DRC5: variants seen among roughly 807,000 people sequenced by gnomAD.
DRC5 encodes dynein regulatory complex subunit 5, also known as T-complex-associated testis-expressed protein 1.
At chr6:44,294,619 C>T in the DRC5 span, among the ~76,000 whole-genome samples, 2 of 151,256 alleles carry the variant, frequency 1.3e-5, no homozygotes, top group Non-Finnish European at 2.9e-5. Flanking sequence ...GTGGCACATG[C>T]CTGTAATCCC....
chr6:44,297,187 C>T, the DRC5 span, among the ~76,000 whole-genome samples: 1 of 152,158 alleles, frequency 6.6e-6, no homozygotes, highest in African/African-American at 2.4e-5. Flanking sequence ...CTTGGTAACC[C>T]AGGGAAACCG....
At chr6:44,296,742 C>G in the DRC5 span, among the ~76,000 whole-genome samples, 1 of 151,702 alleles carries the variant, frequency 6.6e-6, no homozygotes, top group Non-Finnish European at 1.5e-5. Flanking sequence ...GCTCTGACTG[C>G]CTTCTCTGCC....
chr6:44,292,459 A>G, the DRC5 span, among the ~76,000 whole-genome samples: 787 of 152,010 alleles, frequency 5.2e-3, 4 homozygotes, highest in Non-Finnish European at 6.2e-3. Context: ...CTGACTGCCC[A>G]CCCGTTCCCC....
At chr6:44,280,226 G>A in the DRC5 span, 1 of 1,614,228 alleles carries the variant, frequency 6.2e-7, no homozygotes, top group Non-Finnish European at 8.5e-7. Flanking sequence ...TGGTTGACAT[G>A]AAGTGGCTGG....
At chr6:44,286,204 G>C in the DRC5 span, 1 of 1,611,706 alleles carries the variant, frequency 6.2e-7, no homozygotes, top group Non-Finnish European at 8.5e-7. Context: ...GCTGGGCCGG[G>C]AGCTGCACCG....
At chr6:44,282,118 T>G in the DRC5 span, 2 of 1,610,404 alleles carry the variant, frequency 1.2e-6, no homozygotes, top group Non-Finnish European at 8.5e-7. Flanking sequence ...ACCAGCCCGA[T>G]GTGGTTGCAG....
the DRC5 span, among the ~76,000 whole-genome samples, chr6:44,294,340 G>A: frequency 6.6e-6 from 1 of 152,156 alleles, no homozygotes; most frequent in Non-Finnish European, 1.5e-5. Context: ...GACAGTTTAA[G>A]TGTGCAGAAA....
chr6:44,289,017 A>AAAAG, the DRC5 span, among the ~76,000 whole-genome samples: 4 of 139,704 alleles, frequency 2.9e-5, no homozygotes, highest in Non-Finnish European at 6.2e-5. Flanking sequence ...AAAAAAAAAA[A>AAAAG]AAAAAGAAAA....
chr6:44,296,201 T>A, the DRC5 span, among the ~76,000 whole-genome samples: 1 of 152,322 alleles, frequency 6.6e-6, no homozygotes, highest in South Asian at 2.1e-4. Context: ...GCTTATAAAT[T>A]GCTCCCAACT....
chr6:44,292,779 AC>A, the DRC5 span, among the ~76,000 whole-genome samples: 1 of 152,122 alleles, frequency 6.6e-6, no homozygotes, highest in Non-Finnish European at 1.5e-5. Context: ...ATTTCTCTCC[AC>A]ACGTACAAGG....
the DRC5 span, chr6:44,287,232 G>A: frequency 1.0e-6 from 1 of 985,252 alleles, no homozygotes; most frequent in Non-Finnish European, 1.2e-6. Flanking sequence ...GGTTCACTTG[G>A]GAAGGCTTTC....
chr6:44,293,370 TG>T, the DRC5 span, among the ~76,000 whole-genome samples: 1 of 150,892 alleles, frequency 6.6e-6, no homozygotes, highest in African/African-American at 2.4e-5. Context: ...CCTAGAACTT[TG>T]GGAGGCCAAG....
the DRC5 span, chr6:44,280,204 C>T: frequency 6.2e-7 from 1 of 1,614,154 alleles, no homozygotes; most frequent in Non-Finnish European, 8.5e-7. Flanking sequence ...TTCTCAGGGC[C>T]ATTGGCAGTT....
chr6:44,286,447 G>A, the DRC5 span: 17 of 1,614,064 alleles, frequency 1.1e-5, no homozygotes, highest in East Asian at 2.2e-5. Context: ...TCAGGTTGGC[G>A]GTCACAGCCA....
At chr6:44,286,014 G>T in the DRC5 span, 7 of 1,613,914 alleles carry the variant, frequency 4.3e-6, no homozygotes, top group Admixed American at 3.3e-5. Flanking sequence ...AGGCAGTCAC[G>T]GTAGGTGAAG....
chr6:44,285,939 G>T, the DRC5 span: 1 of 1,588,180 alleles, frequency 6.3e-7, no homozygotes. Context: ...GAAGGGGTGG[G>T]GGGAAGGCTG....
At chr6:44,282,169 C>A in the DRC5 span, 1 of 1,614,160 alleles carries the variant, frequency 6.2e-7, no homozygotes, top group Non-Finnish European at 8.5e-7. Context: ...ATGGCGAGCA[C>A]CTGTGACAGG....
At chr6:44,280,865 G>A in the DRC5 span, among the ~76,000 whole-genome samples, 1 of 152,244 alleles carries the variant, frequency 6.6e-6, no homozygotes, top group Non-Finnish European at 1.5e-5. Context: ...CCATGAGACT[G>A]GGGTGGGCAG....
At chr6:44,286,744 C>T in the DRC5 span, among the ~76,000 whole-genome samples, 1 of 152,206 alleles carries the variant, frequency 6.6e-6, no homozygotes, top group African/African-American at 2.4e-5. Flanking sequence ...GTGGACATCT[C>T]AGCATCTGTT....
Sources: gnomAD v4.1 joint callset for allele counts (sites outside exome capture counted in the v4.1 genomes callset) on GRCh38, gnomAD v4.1.1 for gene constraint, MANE v1.5 for transcripts, NCBI Gene and HGNC (gene_info 2026-07-23, HGNC 2026-07-21) for gene names.